The following ZNF624 variants were observed in gnomAD, a reference collection of about 807,000 sequenced individuals.
The protein encoded by ZNF624 is zinc finger protein 624.
Under a neutral mutation model 74.7 loss-of-function variants are expected in ZNF624, and 43 were observed. The ratio of observed to expected loss-of-function variants is 0.58; its 90% confidence interval spans 0.45 to 0.74. The LOEUF (loss-of-function observed/expected upper bound fraction) is 0.74, where lower values mean the gene tolerates loss of function less well. Among genes scored for constraint, ZNF624 ranks in the 30% least tolerant of loss-of-function variants. The pLI, the probability that ZNF624 is intolerant of heterozygous loss-of-function variation, is 0.00. For synonymous variants in ZNF624, 331 were observed against 341.3 expected, an observed-to-expected ratio of 0.97 and a Z score of 0.33; for missense variants, 820 against 1,030.0, an observed-to-expected ratio of 0.80 and a Z score of 2.79.
chr17:16,625,766 T>TA (rs552660531), intron 5 of ZNF624, among the ~76,000 whole-genome samples: 7 of 152,096 alleles, frequency 4.6e-5, no homozygotes, highest in African/African-American at 1.4e-4. Context: ...AAAAATTCAT[T>TA]AAAAAAATTA....
intron 1 of ZNF624, among the ~76,000 whole-genome samples, chr17:16,652,849 CTG>C (rs1909759936): frequency 6.6e-6 from 1 of 152,242 alleles, no homozygotes; most frequent in African/African-American, 2.4e-5. Context: ...TACCGTAAAA[CTG>C]TGACCACAGG....
At chr17:16,616,413 T>C (rs192161076), downstream of ZNF624, among the ~76,000 whole-genome samples, 43 of 152,276 alleles carry the variant, frequency 2.8e-4, no homozygotes, top group African/African-American at 1.0e-3. Context: ...TCAAGCTTTA[T>C]AAAAAGCCAA....
At chr17:16,616,891 C>A (rs779938775), downstream of ZNF624, 1 of 1,458,170 alleles carries the variant, frequency 6.9e-7, no homozygotes, top group South Asian at 1.3e-5. Context: ...TGACTTTGAG[C>A]GAGATCTAGA....
chr17:16,651,166 C>T (rs1452884518), intron 1 of ZNF624, among the ~76,000 whole-genome samples: 2 of 151,994 alleles, frequency 1.3e-5, no homozygotes, highest in Non-Finnish European at 2.9e-5. Flanking sequence ...GTGGCTCATA[C>T]CTGTAATCCC....
downstream of ZNF624, among the ~76,000 whole-genome samples, chr17:16,618,243 G>T (rs530315665): frequency 6.6e-6 from 1 of 152,174 alleles, no homozygotes; most frequent in South Asian, 2.1e-4. Context: ...CTACTCGGGA[G>T]GCTGAGGTTG....
chr17:16,617,991 A>T, downstream of ZNF624: 3 of 649,896 alleles, frequency 4.6e-6, no homozygotes, highest in Non-Finnish European at 8.2e-6. Context: ...GCCTCACACC[A>T]TAGTGGCGGC....
chr17:16,632,662 A>G (rs749889400), intron 5 of ZNF624, among the ~76,000 whole-genome samples: 10 of 152,234 alleles, frequency 6.6e-5, no homozygotes, highest in Non-Finnish European at 1.2e-4. Flanking sequence ...CATCTCCACT[A>G]CCATCACCCT....
chr17:16,650,083 A>G (rs561988781), intron 1 of ZNF624, among the ~76,000 whole-genome samples: 3 of 152,308 alleles, frequency 2.0e-5, no homozygotes, highest in East Asian at 3.9e-4. Context: ...ATGCAGATAC[A>G]TGACCCCAAA....
chr17:16,622,468 C>A lies in ZNF624; in HGVS notation c.2418G>T (p.Arg806Ser). The change falls in exon 6 of 6, where the codon AGG becomes AGT. Residue 806 changes from arginine (R) to serine (S), a missense_variant. By Grantham distance (110) the Arg-to-Ser change is moderately radical. Transcript: ENST00000311331. ...TLHQRIHTGE[R>S]PYKCEECGKA... is the part of the protein sequence containing the mutation. Reference sequence around the variant, plus strand: ...TTCCACATTCTTCACATTTATAGGGCCTCTCCCCAGTATGAATTCTCTGAT... The same window carrying A: ...TTCCACATTCTTCACATTTATAGGGACTCTCCCCAGTATGAATTCTCTGAT... 4 of 1,613,862 alleles carry A rather than the reference C, an allele frequency of 2.5e-6. No individual in the cohort carries two copies. The highest frequency in any genetic ancestry group is 3.4e-6 in the Non-Finnish European group (4 of 1,179,880).
intron 5 of ZNF624, among the ~76,000 whole-genome samples, chr17:16,630,084 C>T (rs1909170350): frequency 6.6e-6 from 1 of 152,086 alleles, no homozygotes; most frequent in Non-Finnish European, 1.5e-5. Flanking sequence ...TATTGCTGCC[C>T]TGCCTTTTAT....
chr17:16,651,501 G>C (rs1225558476), intron 1 of ZNF624, among the ~76,000 whole-genome samples: 4 of 151,898 alleles, frequency 2.6e-5, no homozygotes, highest in African/African-American at 9.7e-5. Flanking sequence ...GGCTTTCCTA[G>C]GCACAATGAA....
chr17:16,615,490 A>T, the ZNF624 span, among the ~76,000 whole-genome samples: 1 of 152,218 alleles, frequency 6.6e-6, no homozygotes, highest in African/African-American at 2.4e-5. Flanking sequence ...AATGGCTAGG[A>T]TTATAAATTC....
rs563588546 is a variant in ZNF624, at chr17:16,650,144, T to A, written c.-2-398A>T. Among the ~76,000 whole-genome samples, 14 of 152,232 alleles carry A rather than the reference T, an allele frequency of 9.2e-5. No individual in the cohort carries two copies. In the South Asian group the frequency reaches 1.5e-3, roughly 16 times the overall value. On this transcript the variant is annotated intron_variant, in intron 1 of 5. Coordinates refer to ENST00000311331, the MANE Select transcript of ZNF624 (RefSeq NM_020787.4). ...TTTTCCACTGAATCAACATGCTGTG[T>A]GAAGTACGAAAAAAAATACTTCAGT...
At chr17:16,647,593 C>G (rs898136727) in intron 2 of ZNF624, among the ~76,000 whole-genome samples, 199 bp from the exon 3 acceptor site, 1 of 152,036 alleles carries the variant, frequency 6.6e-6, no homozygotes, top group Admixed American at 6.6e-5. Context: ...ATGACAAACA[C>G]ACGTAAGATT....
At chr17:16,650,539 G>C (rs1200313087) in intron 1 of ZNF624, among the ~76,000 whole-genome samples, 3 of 152,070 alleles carry the variant, frequency 2.0e-5, no homozygotes, top group African/African-American at 7.3e-5. Context: ...TGGAGCAACA[G>C]GGTGGCAGAG....
chr17:16,629,197 C>CAAA (rs34250278), intron 5 of ZNF624, among the ~76,000 whole-genome samples: 18 of 59,486 alleles, frequency 3.0e-4, no homozygotes, highest in Admixed American at 4.5e-4. Flanking sequence ...GACTCCATCT[C>CAAA]AAAAAAAAAA....
At chr17:16,639,849 C>T (rs2142627870) in intron 3 of ZNF624, among the ~76,000 whole-genome samples, 1 of 152,238 alleles carries the variant, frequency 6.6e-6, no homozygotes, top group Admixed American at 6.5e-5. Context: ...AGAGTTGCCA[C>T]ATTATATTAT....
Position 16,623,855 on chromosome 17 carries a change from G to A in ZNF624, c.1031C>T (p.Ser344Phe), listed in dbSNP as rs1908993356. ...CNECGKAFIA[S>F]SSLMVHQRIH... is the part of the protein sequence containing the mutation. ...TCTCTGATGTACCATAAGTGATGAAGAAGCAATGAAGGCCTTTCCACATTC... is the reference window on the plus strand; with the variant it reads ...TCTCTGATGTACCATAAGTGATGAAAAAGCAATGAAGGCCTTTCCACATTC... The change falls in exon 6 of 6, where the codon TCT becomes TTT. Residue 344 changes from serine (S) to phenylalanine (F), a missense_variant. Transcript: ENST00000311331. The surrounding 1 kb of genome is among the most constrained non-coding windows in gnomAD (Gnocchi z 5.3). 6.2e-7 allele frequency: 1 copy of A among 1,613,664 alleles called. No individual in the cohort carries two copies.
chr17:16,617,828 G>A (rs1908823694), downstream of ZNF624: 8 of 1,611,772 alleles, frequency 5.0e-6, no homozygotes, highest in Admixed American at 1.3e-4. Flanking sequence ...AAAAGCGCTG[G>A]ATGGCCTTCT....
Sources: allele counts gnomAD v4.1 joint callset (sites outside exome capture counted in the v4.1 genomes callset), GRCh38; gene constraint gnomAD v4.1.1; non-coding constraint Gnocchi (gnomAD v3.1); transcripts MANE v1.5; gene names NCBI Gene and HGNC (gene_info 2026-07-23, HGNC 2026-07-21).